Variants in FETUB observed in about 807,000 individuals in gnomAD.
FETUB encodes the protein fetuin B.
In FETUB, 28 loss-of-function variants were observed where a neutral mutation model predicts 30.9. The observed-to-expected ratio is 0.90, with a 90% confidence interval of 0.67 to 1.24. The LOEUF is 1.24. Ranked by LOEUF, FETUB falls within the 50% of genes most tolerant of loss-of-function variation. The pLI, the probability that FETUB is intolerant of heterozygous loss-of-function variation, is 0.00. For synonymous variants in FETUB, 186 were observed against 175.9 expected, an observed-to-expected ratio of 1.06 and a Z score of -0.45; for missense variants, 469 against 455.3, an observed-to-expected ratio of 1.03 and a Z score of -0.27.
In FETUB at chr3:186,641,099, A is replaced by G. The variant is rs779921072; in HGVS notation, c.295A>G (p.Lys99Glu). 4 of 1,613,922 alleles carry G rather than the reference A, an allele frequency of 2.5e-6. No individual in the cohort carries two copies. The East Asian group carries it at 6.7e-5, about 27-fold the overall frequency. Residue 99 changes from lysine (K) to glutamate (E), a missense_variant, in exon 2 of 7, where the codon AAG becomes GAG. Lys to Glu is a moderately conservative substitution (Grantham distance 56). Transcript: ENST00000265029. Reference sequence around the variant, plus strand: ...GACTGACTGCCATGTGCTCAGAAAGAAGGCATGGCAAGACTGTGGAATGAG... The same window carrying G: ...GACTGACTGCCATGTGCTCAGAAAGGAGGCATGGCAAGACTGTGGAATGAG... ...LETDCHVLRK[K>E]AWQDCGMRIF...
chr3:186,647,859 A>G (rs1368136302), intron 5 of FETUB, among the ~76,000 whole-genome samples: 1 of 152,138 alleles, frequency 6.6e-6, no homozygotes, highest in Non-Finnish European at 1.5e-5. Flanking sequence ...CTATTTATAT[A>G]TATTTTTTCT....
Position 186,640,591 on chromosome 3 carries a change from T to A in FETUB, c.131T>A (p.Val44Asp). Residue 44 changes from valine to aspartate, a missense_variant, in exon 1 of 7, where the codon GTT (valine) becomes GAT (aspartate). Transcript: ENST00000265029. The part of the protein sequence containing the change: ...RGCNDSDVLA[V>D]AGFALRDINK... ...TGCAATGACTCAGATGTGCTGGCAG[T>A]TGCAGGCTTTGCCCTGCGGGATATT... 1 of 1,614,196 alleles carries A rather than the reference T, an allele frequency of 6.2e-7. No homozygotes were observed. Among genetic ancestry groups the A allele is most frequent in the Non-Finnish European group, 8.5e-7 (1 of 1,180,012 alleles).
At position 186,652,785 on chromosome 3, in the gene FETUB, A is replaced by C; in HGVS notation, c.*154A>C. ...GTCTCAGCATGTTGACTGGGATTGG[A>C]AATAATGAGACTGAGCCCTCGGCTT... is the stretch of plus-strand genomic sequence containing the variant. On this transcript the variant is annotated 3_prime_UTR_variant, in exon 7 of 7. Transcript: ENST00000265029. The C allele has an allele frequency of 1.1e-6, 1 of 883,160 alleles. No individual in the cohort carries two copies. The highest frequency in any genetic ancestry group is 1.7e-6 in the Non-Finnish European group (1 of 599,220). The allele number at this position is 883,160 out of a possible 1,614,324, so 54.7% of individuals were successfully genotyped here.
chr3:186,652,031 T>C (rs1010011499), intron 6 of FETUB, among the ~76,000 whole-genome samples: 3 of 152,196 alleles, frequency 2.0e-5, no homozygotes, highest in East Asian at 1.9e-4. Context: ...TGGGCCATTA[T>C]TCAGCTCTGA....
chr3:186,651,999 C>T lies in FETUB; in HGVS notation c.781-264C>T, dbSNP rs867769465. On this transcript the variant is annotated intron_variant, in intron 6 of 6. Transcript: ENST00000265029. The stretch of plus-strand genomic sequence containing the variant: ...CAGAAAGAGAGCTTGCTGGAGACTT[C>T]GAGTGAGTCATTGAACCTCTCTGGG... The T allele has an allele frequency of 1.3e-4, 33 of 255,114 alleles. No homozygotes were observed. In the Middle Eastern group the frequency reaches 3.7e-3, roughly 28 times the overall value. The allele number at this position is 255,114 out of a possible 1,614,324, so 15.8% of individuals were successfully genotyped here.
At chr3:186,645,241 C>T (rs1005793459) in intron 4 of FETUB, among the ~76,000 whole-genome samples, 6 of 152,156 alleles carry the variant, frequency 3.9e-5, no homozygotes, top group South Asian at 2.1e-4. Flanking sequence ...TGTGACTGAT[C>T]GTGGACCATT....
chr3:186,640,776 G>A (rs1044093925), intron 1 of FETUB, 91 bp downstream of exon 1: 18 of 1,069,416 alleles, frequency 1.7e-5, no homozygotes, highest in Middle Eastern at 4.1e-4. Context: ...ACCCTGGCAG[G>A]TGTTTTCTGT....
At chr3:186,641,190 G>A (rs1343288919) in intron 2 of FETUB, 50 bp downstream of exon 2, 3 of 1,098,198 alleles carry the variant, frequency 2.7e-6, no homozygotes, top group South Asian at 1.3e-5. Flanking sequence ...AAAGCAAGTA[G>A]GTACACTCTT....
chr3:186,652,624 C>T lies in FETUB; in HGVS notation c.1142C>T (p.Pro381Leu), dbSNP rs552370206. 4.4e-5 allele frequency: 71 copies of T among 1,602,452 alleles called. No homozygotes were observed. In the Middle Eastern group the frequency reaches 6.2e-4, roughly 14 times the overall value. Residue 381 changes from proline (P) to leucine (L), a missense_variant, in exon 7 of 7, where the codon CCG (proline) becomes CTG (leucine). Coordinates refer to ENST00000265029, the MANE Select transcript of FETUB (RefSeq NM_014375.3). ...PAQNASPLVL[P>L]P ...CAGAATGCCAGCCCTCTTGTCCTTC[C>T]GCCATGAGAATCACACAGAGTCTTC... is the stretch of plus-strand genomic sequence containing the variant.
At chr3:186,636,694 T>G (rs1579025298), upstream of FETUB, among the ~76,000 whole-genome samples, 1 of 152,216 alleles carries the variant, frequency 6.6e-6, no homozygotes. Context: ...TAGCAGGTGG[T>G]TTGGGAGCAG....
chr3:186,644,098 T>G (rs2108524284), intron 3 of FETUB, among the ~76,000 whole-genome samples: 1 of 152,352 alleles, frequency 6.6e-6, no homozygotes. Context: ...ATCCATCATC[T>G]CAAACCTTTA....
Position 186,640,409 on chromosome 3 carries a change from C to T in FETUB, c.-52C>T. 1 of 1,431,014 alleles carries T rather than the reference C, an allele frequency of 7.0e-7. No individual in the cohort carries two copies. The highest frequency in any genetic ancestry group is 9.9e-7 in the Non-Finnish European group (1 of 1,014,804). The allele number at this position is 1,431,014 out of a possible 1,614,324, so 88.6% of individuals were successfully genotyped here. A position where few individuals can be genotyped will look rare whatever the true frequency, so the allele number is the denominator to read the frequency against. ...GCCTTAAAGAGCCTTACAAGCCAGC[C>T]AGTCCCTGCAGCTCCACAAACTGAC... is the stretch of plus-strand genomic sequence containing the variant. On this transcript the variant is annotated 5_prime_UTR_variant, in exon 1 of 7. Coordinates refer to ENST00000265029, the MANE Select transcript of FETUB (RefSeq NM_014375.3).
At chr3:186,644,182 A>G (rs1717302760) in intron 3 of FETUB, among the ~76,000 whole-genome samples, 1 of 152,148 alleles carries the variant, frequency 6.6e-6, no homozygotes, top group South Asian at 2.1e-4. Context: ...AACTGTAGTC[A>G]TCCTACAGTG....
intron 3 of FETUB, 46 bp from the exon 4 acceptor site, chr3:186,644,705 T>C (rs1717346329): frequency 1.4e-6 from 2 of 1,470,540 alleles, no homozygotes; most frequent in African/African-American, 1.4e-5. Flanking sequence ...ATATGATTTA[T>C]TGAAAATTAA....
upstream of FETUB, among the ~76,000 whole-genome samples, chr3:186,638,137 G>A (rs1376323889): frequency 6.6e-6 from 1 of 152,160 alleles, no homozygotes; most frequent in African/African-American, 2.4e-5. Context: ...TTCGAATGCA[G>A]ATACCAGAAA....
chr3:186,649,669 C>T (rs145839271), intron 5 of FETUB, among the ~76,000 whole-genome samples: 9,673 of 152,158 alleles, frequency 0.064, 390 homozygotes, highest in African/African-American at 0.11. Context: ...CAGGGTTTCA[C>T]CCTGTTGACC....
intron 3 of FETUB, 151 bp downstream of exon 3, chr3:186,642,709 T>C: frequency 1.6e-6 from 1 of 641,552 alleles, no homozygotes; most frequent in South Asian, 1.8e-5. Flanking sequence ...ACTTACCTCC[T>C]TACTGAAATT....
intron 4 of FETUB, among the ~76,000 whole-genome samples, chr3:186,645,347 G>T (rs1208883770): frequency 1.3e-5 from 2 of 152,028 alleles, no homozygotes; most frequent in Non-Finnish European, 2.9e-5. Context: ...AGATTATGTT[G>T]ATTTCTTTCC....
chr3:186,652,844 C>A lies in FETUB; in HGVS notation c.*213C>A. 2.0e-6 allele frequency: 1 copy of A among 506,266 alleles called. No homozygotes were observed. The highest frequency in any genetic ancestry group is 3.4e-6 in the Non-Finnish European group (1 of 293,410). 31.4% of individuals were successfully genotyped at this position (506,266 alleles called of 1,614,324 possible). On this transcript the variant is annotated 3_prime_UTR_variant, in exon 7 of 7. Coordinates refer to ENST00000265029, the MANE Select transcript of FETUB (RefSeq NM_014375.3). ...CTCTACCCTGTACACTGCCTTGTACCCTGAGCTGCATCACCTCCTAAACTG... is the reference window on the plus strand; with the variant it reads ...CTCTACCCTGTACACTGCCTTGTACACTGAGCTGCATCACCTCCTAAACTG...
Sources: allele counts gnomAD v4.1 joint callset (sites outside exome capture counted in the v4.1 genomes callset), GRCh38; gene constraint gnomAD v4.1.1; transcripts MANE v1.5; gene names NCBI Gene and HGNC (gene_info 2026-07-23, HGNC 2026-07-21).